SCML4: variants seen among roughly 807,000 people sequenced by gnomAD.
SCML4 encodes Scm polycomb group protein like 4, also known as sex comb on midleg-like protein 4.
SCML4 carries 34 observed loss-of-function variants against 41.1 expected under a neutral mutation model. That is an observed-to-expected ratio of 0.83 (90% confidence interval 0.63 to 1.10). SCML4 has a LOEUF of 1.10. SCML4 is among the 50% of genes least tolerant of loss of function. The pLI is 0.00. For synonymous variants in SCML4, 214 were observed against 220.9 expected, an observed-to-expected ratio of 0.97 and a Z score of 0.28; for missense variants, 522 against 534.1, an observed-to-expected ratio of 0.98 and a Z score of 0.22.
At chr6:107,795,832 G>T (rs1392382955) in intron 1 of SCML4, among the ~76,000 whole-genome samples, 7 of 152,074 alleles carry the variant, frequency 4.6e-5, no homozygotes, top group Non-Finnish European at 1.0e-4. Context: ...CAGCCAGAAA[G>T]GTTCTTTATG....
chr6:107,715,300 G>T (rs1236556151), intron 6 of SCML4, among the ~76,000 whole-genome samples: 2 of 144,836 alleles, frequency 1.4e-5, no homozygotes, highest in South Asian at 4.5e-4. Context: ...TAATTAATCA[G>T]CTCTTGCCAT....
intron 2 of SCML4, among the ~76,000 whole-genome samples, chr6:107,752,024 G>A (rs1778738956): frequency 6.6e-6 from 1 of 152,158 alleles, no homozygotes; most frequent in Admixed American, 6.5e-5. Flanking sequence ...ATGACAGTAG[G>A]GTGGATTGTG....
intron 7 of SCML4, among the ~76,000 whole-genome samples, chr6:107,707,278 A>C (rs1271821208): frequency 6.6e-6 from 1 of 152,232 alleles, no homozygotes; most frequent in Non-Finnish European, 1.5e-5. Context: ...ACTGCATTCC[A>C]GCCTGGGCGA....
Position 107,702,918 on chromosome 6 carries a change from T to C in SCML4, c.*2282A>G, listed in dbSNP as rs1773295753. On this transcript the variant is annotated 3_prime_UTR_variant, in exon 8 of 8. Coordinates refer to ENST00000369020, the MANE Select transcript of SCML4 (RefSeq NM_198081.5). ...GATGAGACAGGAGGTCAGCACAAGA[T>C]ATAGGTCATAAAGACCTTCTGATAA... Among the ~76,000 whole-genome samples, 1 of 152,164 alleles carries C rather than the reference T, an allele frequency of 6.6e-6. No homozygotes were observed. The highest frequency in any genetic ancestry group is 2.1e-4 in the South Asian group (1 of 4,830).
At chr6:107,777,211 G>A (rs1440177802) in intron 1 of SCML4, among the ~76,000 whole-genome samples, 3 of 152,112 alleles carry the variant, frequency 2.0e-5, no homozygotes, top group Admixed American at 6.6e-5. Context: ...TCCGCTTCCC[G>A]GGTTCAAGCA....
In SCML4 at chr6:107,744,952, A is replaced by T. The variant is rs1417389393; in HGVS notation, c.679T>A (p.Ser227Thr). ...GGGGAAGCAGGACAAGGCCTACCTG[A>T]TTCCATCCTCCCTTCCTCTTTCTCC... ...VQEKEEGRME[S>T]VKTVTTEEYL... Residue 227 changes from serine (S) to threonine (T), a missense_variant, in exon 5 of 8, where the codon TCA becomes ACA. Coordinates refer to ENST00000369020, the MANE Select transcript of SCML4 (RefSeq NM_198081.5). 1 of 1,606,708 alleles carries T rather than the reference A, an allele frequency of 6.2e-7. No individual in the cohort carries two copies. The highest frequency in any genetic ancestry group is 8.5e-7 in the Non-Finnish European group (1 of 1,176,200).
Position 107,705,086 on chromosome 6 carries a change from G to T in SCML4, c.*114C>A. The T allele has an allele frequency of 1.0e-6, 1 of 960,824 alleles. No individual in the cohort carries two copies. Among genetic ancestry groups the T allele is most frequent in the Non-Finnish European group, 1.6e-6 (1 of 619,348 alleles). 59.5% of individuals were successfully genotyped at this position (960,824 alleles called of 1,614,324 possible). A position where few individuals can be genotyped will look rare whatever the true frequency, so the allele number is the denominator to read the frequency against. On this transcript the variant is annotated 3_prime_UTR_variant, in exon 8 of 8. Transcript: ENST00000369020. ...TTTTATAAAAAGACCACGTCTCTGT[G>T]GCTGTTAATTTTAAGAGGAGAGTCT...
chr6:107,748,650 A>G (rs550592710), intron 3 of SCML4, among the ~76,000 whole-genome samples: 2 of 152,358 alleles, frequency 1.3e-5, no homozygotes, highest in Admixed American at 1.3e-4. Flanking sequence ...GCCATGCCCT[A>G]CAAAGAAAGC....
At chr6:107,802,620 A>AAGGAAGGAAGGT (rs1783251063) in intron 1 of SCML4, among the ~76,000 whole-genome samples, 1 of 139,864 alleles carries the variant, frequency 7.1e-6, no homozygotes, top group African/African-American at 2.8e-5. Flanking sequence ...GGAAGGAAGG[A>AAGGAAGGAAGGT]AGGAAGGAAG....
chr6:107,746,622 G>C (rs1265194773), intron 4 of SCML4, 67 bp downstream of exon 4: 4 of 1,432,430 alleles, frequency 2.8e-6, no homozygotes, highest in Non-Finnish European at 3.9e-6. Context: ...CTCCAGGCCT[G>C]AGTATGGCTG....
At chr6:107,839,952 A>G in the SCML4 span, among the ~76,000 whole-genome samples, 18 of 152,264 alleles carry the variant, frequency 1.2e-4, no homozygotes, top group South Asian at 3.7e-3. Flanking sequence ...ATTTAATCAC[A>G]AATTAAAATA....
chr6:107,726,532 C>CAAA (rs59013088), intron 5 of SCML4, among the ~76,000 whole-genome samples: 44 of 72,350 alleles, frequency 6.1e-4, no homozygotes, highest in Admixed American at 7.9e-4. Flanking sequence ...GACTCCATCT[C>CAAA]AAAAAAAAAA....
In SCML4 at chr6:107,705,327, T is replaced by C. The variant is rs1773498949; in HGVS notation, c.1120-2A>G. 6.4e-7 allele frequency: 1 copy of C among 1,551,554 alleles called. No individual in the cohort carries two copies. Among genetic ancestry groups the C allele is most frequent in the African/African-American group, 1.4e-5 (1 of 73,030 alleles). The stretch of plus-strand genomic sequence containing the variant: ...CAGCAGAGCGTTGCCATCAATCTCC[T>C]GGTGGGATAGGATCAGAAGAAAGAT... On this transcript the variant is annotated splice_acceptor_variant, in intron 7 of 7. Transcript: ENST00000369020. LOFTEE classifies it high-confidence loss of function.
At position 107,757,287 on chromosome 6, in the gene SCML4, C is replaced by T. The variant is rs1377302929; in HGVS notation, c.157-7474G>A. Among the ~76,000 whole-genome samples the T allele has an allele frequency of 2.6e-5, 4 of 152,088 alleles. No individual in the cohort carries two copies. In the East Asian group the frequency reaches 7.7e-4, roughly 29 times the overall value. ...GGATTTGGGGGGAAACGGAGATGTG[C>T]GGTCAAGAGCACACTAAAGGGGAGA... On this transcript the variant is annotated intron_variant, in intron 2 of 7. Coordinates refer to ENST00000369020, the MANE Select transcript of SCML4 (RefSeq NM_198081.5).
At chr6:107,744,417 G>A (rs999423884) in intron 5 of SCML4, among the ~76,000 whole-genome samples, 8 of 152,154 alleles carry the variant, frequency 5.3e-5, no homozygotes, top group African/African-American at 1.9e-4. Context: ...ACTAACCCTT[G>A]CTGGAAGACA....
chr6:107,740,642 C>T (rs577210117), intron 5 of SCML4, among the ~76,000 whole-genome samples: 18 of 152,134 alleles, frequency 1.2e-4, no homozygotes, highest in East Asian at 9.6e-4. Context: ...TCTGGAGGTG[C>T]GAGAGGGCTT....
chr6:107,836,525 G>A, the SCML4 span, among the ~76,000 whole-genome samples: 1 of 152,076 alleles, frequency 6.6e-6, no homozygotes. Flanking sequence ...CAACTCCATG[G>A]GGCATCCTCA....
At chr6:107,834,312 G>C in the SCML4 span, among the ~76,000 whole-genome samples, 1 of 152,156 alleles carries the variant, frequency 6.6e-6, no homozygotes, top group Non-Finnish European at 1.5e-5. Flanking sequence ...GGTTTACTCT[G>C]ATCTCAAGGA....
At chr6:107,807,715 A>G (rs1289966077) in intron 1 of SCML4, among the ~76,000 whole-genome samples, 1 of 152,202 alleles carries the variant, frequency 6.6e-6, no homozygotes, top group Non-Finnish European at 1.5e-5. Context: ...CTATATGGGG[A>G]AAATGCCTGC....
Sources: allele counts gnomAD v4.1 joint callset (sites outside exome capture counted in the v4.1 genomes callset), GRCh38; gene constraint gnomAD v4.1.1; transcripts MANE v1.5; gene names NCBI Gene and HGNC (gene_info 2026-07-23, HGNC 2026-07-21).